The following CADM2 variants were observed in gnomAD, a reference collection of about 807,000 sequenced individuals.
CADM2 encodes immunoglobulin superfamily member 4D.
Under a neutral mutation model 49.8 loss-of-function variants are expected in CADM2, and 12 were observed. That is an observed-to-expected ratio of 0.24 (90% CI 0.15 to 0.39). The LOEUF (loss-of-function observed/expected upper bound fraction) is 0.39. Ranked by LOEUF, CADM2 falls within the 10% of genes least tolerant of loss-of-function variation. The pLI is 1.00. For missense variants in CADM2, 378 were observed against 492.3 expected, an observed-to-expected ratio of 0.77 and a Z score of 2.20; for synonymous variants, 214 against 175.4, an observed-to-expected ratio of 1.22 and a Z score of -1.74.
intron 1 of CADM2, among the ~76,000 whole-genome samples, chr3:85,649,862 CA>C (rs1349817630): frequency 6.6e-6 from 1 of 152,022 alleles, no homozygotes; most frequent in Non-Finnish European, 1.5e-5. Flanking sequence ...GGTTGTATCA[CA>C]TTATATGAAG....
At chr3:85,796,174 C>CT (rs2071609536) in intron 2 of CADM2, among the ~76,000 whole-genome samples, 1 of 152,138 alleles carries the variant, frequency 6.6e-6, no homozygotes, top group African/African-American at 2.4e-5. Context: ...CAATTGCGTG[C>CT]TTTTTATTGC....
intron 1 of CADM2, among the ~76,000 whole-genome samples, chr3:85,523,598 A>G (rs2061081052): frequency 6.6e-6 from 1 of 151,852 alleles, no homozygotes; most frequent in Admixed American, 6.6e-5. Context: ...TTTTTTCTGG[A>G]GCTTCAATTA....
At chr3:85,736,873 A>C (rs151286659) in intron 2 of CADM2, among the ~76,000 whole-genome samples, 746 of 152,280 alleles carry the variant, frequency 4.9e-3, no homozygotes, top group Non-Finnish European at 8.0e-3. Flanking sequence ...TCCAGGGAGA[A>C]ATAATGGTAG....
At chr3:85,433,931 G>T (rs1312195708) in intron 1 of CADM2, among the ~76,000 whole-genome samples, 2 of 151,968 alleles carry the variant, frequency 1.3e-5, no homozygotes, top group African/African-American at 4.8e-5. Flanking sequence ...ATATTCTTTT[G>T]GATCCCTGGG....
intron 1 of CADM2, among the ~76,000 whole-genome samples, chr3:85,662,876 C>A (rs962986037): frequency 2.0e-5 from 3 of 152,028 alleles, no homozygotes; most frequent in African/African-American, 7.2e-5. Flanking sequence ...TATTTTATTT[C>A]TGGAAAATTC....
chr3:85,058,190 G>A (rs1401238517), intron 1 of CADM2, among the ~76,000 whole-genome samples: 1 of 152,042 alleles, frequency 6.6e-6, no homozygotes, highest in Non-Finnish European at 1.5e-5. Flanking sequence ...AAACTAGTTT[G>A]TTCAGGTAAT....
chr3:85,529,745 A>G (rs1441781809), intron 1 of CADM2, among the ~76,000 whole-genome samples: 4 of 151,980 alleles, frequency 2.6e-5, no homozygotes, highest in African/African-American at 4.8e-5. Context: ...ACGTATTTCC[A>G]CTATCCGGGC....
chr3:85,441,791 C>T (rs951537116), intron 1 of CADM2, among the ~76,000 whole-genome samples: 2 of 151,700 alleles, frequency 1.3e-5, no homozygotes, highest in Non-Finnish European at 2.9e-5. Flanking sequence ...GGTTATGACA[C>T]GTGGTGAGAG....
intron 1 of CADM2, among the ~76,000 whole-genome samples, chr3:85,308,307 C>G (rs1487925059): frequency 1.6e-5 from 2 of 123,622 alleles, no homozygotes; most frequent in Non-Finnish European, 3.3e-5. Flanking sequence ...ATATCTACCT[C>G]TCTACACACA....
intron 1 of CADM2, among the ~76,000 whole-genome samples, chr3:85,293,999 G>T (rs1224417666): frequency 4.6e-5 from 7 of 151,946 alleles, no homozygotes. Flanking sequence ...AAGTCAAATT[G>T]TCCCTGTTTG....
At chr3:86,006,184 C>A (rs1730767258) in intron 8 of CADM2, among the ~76,000 whole-genome samples, 1 of 152,090 alleles carries the variant, frequency 6.6e-6, no homozygotes, top group South Asian at 2.1e-4. Flanking sequence ...AACAAAGGAC[C>A]AGGAATTATT....
intron 1 of CADM2, among the ~76,000 whole-genome samples, chr3:85,169,118 A>AGTTTTGTTTTGTTCTGTTTTGTTTT (rs2040551969): frequency 5.3e-5 from 8 of 151,910 alleles, no homozygotes; most frequent in Non-Finnish European, 1.2e-4. Context: ...AAGCCCAGCT[A>AGTTTTGTTTTGTTCTGTTTTGTTTT]GTTTTGTTTT....
intron 1 of CADM2, among the ~76,000 whole-genome samples, chr3:85,240,558 T>C (rs2042508635): frequency 6.6e-6 from 1 of 151,480 alleles, no homozygotes; most frequent in Non-Finnish European, 1.5e-5. Flanking sequence ...GGTTTGAGGA[T>C]AGATTCAAAT....
At chr3:85,865,779 G>A (rs542203016) in intron 3 of CADM2, among the ~76,000 whole-genome samples, 3 of 151,986 alleles carry the variant, frequency 2.0e-5, no homozygotes, top group African/African-American at 7.3e-5. Flanking sequence ...CTACTTTTAC[G>A]GAACTTAAAC....
intron 1 of CADM2, among the ~76,000 whole-genome samples, chr3:85,409,486 G>T (rs932644145): frequency 6.6e-6 from 1 of 152,076 alleles, no homozygotes; most frequent in African/African-American, 2.4e-5. Flanking sequence ...CAGAGATATG[G>T]TCAGGGGCCA....
intron 1 of CADM2, among the ~76,000 whole-genome samples, chr3:85,707,278 A>G (rs1273447703): frequency 6.6e-6 from 1 of 152,020 alleles, no homozygotes; most frequent in Admixed American, 6.5e-5. Flanking sequence ...GTTAGGATGT[A>G]AAACTGATTT....
rs918635064 is a variant in CADM2, at chr3:86,073,046, G to C, written c.*6263G>C. 1 of 151,920 alleles carries C rather than the reference G, an allele frequency of 6.6e-6. No individual in the cohort carries two copies. Among genetic ancestry groups the C allele is most frequent in the Non-Finnish European group, 1.5e-5 (1 of 67,940 alleles). The allele number at this position is 151,920 out of a possible 1,614,324, so 9.4% of individuals were successfully genotyped here. On this transcript the variant is annotated 3_prime_UTR_variant, in exon 10 of 10. Transcript: ENST00000383699. Reference sequence around the variant, plus strand: ...ATTACTGACCTGTTTTCTTCATATTGCATTCACATCAATATTTGTGAATTT... The same window carrying C: ...ATTACTGACCTGTTTTCTTCATATTCCATTCACATCAATATTTGTGAATTT...
intron 1 of CADM2, among the ~76,000 whole-genome samples, chr3:85,165,718 C>G (rs1210246484): frequency 6.6e-6 from 1 of 151,666 alleles, no homozygotes; most frequent in Non-Finnish European, 1.5e-5. Flanking sequence ...CAAATGTGGG[C>G]AACAGTCTAT....
At chr3:85,885,159 C>A (rs919987304) in intron 4 of CADM2, among the ~76,000 whole-genome samples, 3 of 151,852 alleles carry the variant, frequency 2.0e-5, no homozygotes, top group African/African-American at 7.3e-5. Flanking sequence ...TGCAATCTAC[C>A]TTTTAAAATT....
Sources: allele counts gnomAD v4.1 joint callset (sites outside exome capture counted in the v4.1 genomes callset), GRCh38; gene constraint gnomAD v4.1.1; transcripts MANE v1.5; gene names NCBI Gene and HGNC (gene_info 2026-07-23, HGNC 2026-07-21).